The following DMRT1 variants were observed in gnomAD, a reference collection of about 807,000 sequenced individuals.
The protein encoded by DMRT1 is doublesex- and mab-3-related transcription factor 1.
A neutral mutation model predicts 32.3 loss-of-function variants in DMRT1; 7 were observed. The ratio of observed to expected loss-of-function variants is 0.22; its 90% CI spans 0.12 to 0.41. DMRT1 has a LOEUF of 0.41. Ranked by LOEUF, DMRT1 falls within the 10% of genes least tolerant of loss-of-function variation. DMRT1 has a pLI of 1.00. For missense variants in DMRT1, 625 were observed against 500.5 expected (o/e 1.25, Z -2.37); for synonymous variants, 278 against 206.1 (o/e 1.35, Z -2.99).
chr9:894,442 G>T lies in DMRT1; in HGVS notation c.822+247G>T, dbSNP rs2132653128. ...CTTTAGCCTCAAAGGTTGGCTGCAA[G>T]GAATTGGAAAGAAATAATGTACAAA... On this transcript the variant is annotated intron_variant, in intron 3 of 4. Transcript: ENST00000382276. 5.3e-6 allele frequency: 3 copies of T among 568,862 alleles called. No homozygotes were observed. In the South Asian group the frequency reaches 6.2e-5, roughly 12 times the overall value. 35.2% of individuals were successfully genotyped at this position (568,862 alleles called of 1,614,324 possible). A position where few individuals can be genotyped will look rare whatever the true frequency, so the allele number is the denominator to read the frequency against.
At chr9:868,032 C>T (rs1816067810) in intron 2 of DMRT1, among the ~76,000 whole-genome samples, 1 of 152,190 alleles carries the variant, frequency 6.6e-6, no homozygotes, top group Non-Finnish European at 1.5e-5. Context: ...GGCTGGAGTG[C>T]AGTCGTGTGA....
intron 4 of DMRT1, among the ~76,000 whole-genome samples, chr9:925,448 A>G (rs1253204803): frequency 6.6e-6 from 1 of 152,102 alleles, no homozygotes; most frequent in Non-Finnish European, 1.5e-5. Context: ...ATTTTGATTA[A>G]GAACGCAGCC....
At chr9:898,314 T>C (rs1288036864) in intron 3 of DMRT1, among the ~76,000 whole-genome samples, 1 of 152,150 alleles carries the variant, frequency 6.6e-6, no homozygotes, top group Non-Finnish European at 1.5e-5. Flanking sequence ...GACATGGGGT[T>C]TCACCATGTT....
intron 2 of DMRT1, among the ~76,000 whole-genome samples, chr9:852,171 A>T (rs1162309167): frequency 6.6e-6 from 1 of 151,854 alleles, no homozygotes; most frequent in Admixed American, 6.6e-5. Flanking sequence ...TCTTGACCTC[A>T]AGTGATCCGC....
chr9:897,754 C>A (rs1001886118), intron 3 of DMRT1, among the ~76,000 whole-genome samples: 1 of 151,676 alleles, frequency 6.6e-6, no homozygotes, highest in African/African-American at 2.4e-5. Flanking sequence ...CTATTGAGTT[C>A]TTGACTGTTT....
intron 4 of DMRT1, among the ~76,000 whole-genome samples, chr9:962,564 T>A (rs1272694321): frequency 7.9e-6 from 1 of 126,380 alleles, no homozygotes; most frequent in African/African-American, 3.1e-5. Context: ...TGGGGTGGGG[T>A]GGAGGTGGCA....
chr9:938,670 A>G (rs1049466025), intron 4 of DMRT1, among the ~76,000 whole-genome samples: 1 of 152,158 alleles, frequency 6.6e-6, no homozygotes, highest in African/African-American at 2.4e-5. Context: ...ATTTTCTATA[A>G]TAAGTTTACA....
intron 2 of DMRT1, among the ~76,000 whole-genome samples, chr9:888,101 T>G (rs948902512): frequency 4.6e-5 from 7 of 152,300 alleles, no homozygotes; most frequent in African/African-American, 1.7e-4. Context: ...AAATAGTAGG[T>G]GCTTAATAAA....
At chr9:896,317 C>T (rs1198329942) in intron 3 of DMRT1, among the ~76,000 whole-genome samples, 3 of 126,422 alleles carry the variant, frequency 2.4e-5, no homozygotes, top group African/African-American at 9.0e-5. Flanking sequence ...GAGACAGAGT[C>T]TCACTCTGTC....
intron 4 of DMRT1, among the ~76,000 whole-genome samples, chr9:939,271 C>T (rs1338238501): frequency 6.6e-6 from 1 of 152,220 alleles, no homozygotes. Flanking sequence ...CACTAAGGAC[C>T]TCCTTTTAAC....
Position 926,156 on chromosome 9 carries a change from C to T in DMRT1, c.967+9249C>T, listed in dbSNP as rs112133593. On this transcript the variant is annotated intron_variant, in intron 4 of 4. Transcript: ENST00000382276. ...AACTCAAAAGCAAACTTAAACCCTT[C>T]GGCATATCAGGTGTGGTGTTCTCTT... Among the ~76,000 whole-genome samples, 1,012 of 113,784 alleles carry T rather than the reference C, an allele frequency of 8.9e-3. 12 individuals are homozygous for T. The highest frequency in any genetic ancestry group is 0.031 in the African/African-American group (942 of 30,184). 74.6% of individuals were successfully genotyped at this position (113,784 alleles called of 152,430 possible).
intron 2 of DMRT1, among the ~76,000 whole-genome samples, chr9:850,068 C>T (rs1050377745): frequency 4.6e-5 from 7 of 152,200 alleles, no homozygotes; most frequent in Admixed American, 3.9e-4. Context: ...ATCTGCATGC[C>T]TCAGCCTCCC....
intron 2 of DMRT1, among the ~76,000 whole-genome samples, chr9:889,680 C>T (rs1195144537): frequency 6.6e-6 from 1 of 152,208 alleles, no homozygotes; most frequent in Non-Finnish European, 1.5e-5. Context: ...AGATTAAGGT[C>T]ATGCTGCAGA....
intron 4 of DMRT1, among the ~76,000 whole-genome samples, chr9:936,628 C>T (rs146599930): frequency 1.3e-3 from 196 of 152,028 alleles, no homozygotes; most frequent in African/African-American, 4.5e-3. Flanking sequence ...TGGCAGGCGC[C>T]AGCAATCCCA....
At chr9:858,317 T>A (rs114469182) in intron 2 of DMRT1, among the ~76,000 whole-genome samples, 7,637 of 152,090 alleles carry the variant, frequency 0.05, 651 homozygotes, top group African/African-American at 0.18. Context: ...GCCTTACGCT[T>A]GCTGCCATAG....
At chr9:863,845 T>A (rs1263875147) in intron 2 of DMRT1, among the ~76,000 whole-genome samples, 1 of 152,212 alleles carries the variant, frequency 6.6e-6, no homozygotes, top group Non-Finnish European at 1.5e-5. Flanking sequence ...CCATTTGTAT[T>A]TTATTCTCTG....
intron 2 of DMRT1, among the ~76,000 whole-genome samples, chr9:860,835 G>A (rs1386250898): frequency 6.6e-6 from 1 of 152,184 alleles, no homozygotes. Flanking sequence ...CATTTGAGGA[G>A]GAAGGAGCAG....
At chr9:902,571 C>A (rs1453502033) in intron 3 of DMRT1, among the ~76,000 whole-genome samples, 3 of 151,462 alleles carry the variant, frequency 2.0e-5, no homozygotes, top group Non-Finnish European at 4.4e-5. Flanking sequence ...TCACTGCAAC[C>A]TCTGCCTCCC....
intron 2 of DMRT1, among the ~76,000 whole-genome samples, chr9:877,214 T>A (rs1816540822): frequency 6.6e-6 from 1 of 152,250 alleles, no homozygotes; most frequent in Non-Finnish European, 1.5e-5. Flanking sequence ...CACCTTCTTT[T>A]AATGTCAAAG....
Sources: allele counts gnomAD v4.1 joint callset (sites outside exome capture counted in the v4.1 genomes callset), GRCh38; gene constraint gnomAD v4.1.1; transcripts MANE v1.5; gene names NCBI Gene and HGNC (gene_info 2026-07-23, HGNC 2026-07-21).